COL5A2: variants seen among roughly 807,000 people sequenced by gnomAD.
The protein encoded by COL5A2 is collagen alpha-2(V) chain.
A neutral mutation model predicts 208.2 loss-of-function variants in COL5A2; 23 were observed. The observed-to-expected ratio is 0.11, with a 90% CI of 0.08 to 0.16. The LOEUF (loss-of-function observed/expected upper bound fraction) is 0.16. Ranked by LOEUF, COL5A2 falls within the 10% of genes least tolerant of loss-of-function variation. The probability of loss-of-function intolerance (pLI) is 1.00; values close to 1 mark genes in which losing one functional copy is unlikely to be tolerated. For synonymous variants in COL5A2, 625 were observed against 628.5 expected (o/e 0.99, Z 0.08); for missense variants, 1,590 against 1,956.4 (o/e 0.81, Z 3.53).
In COL5A2 at chr2:189,110,428, G is replaced by T. The variant is rs758092388; in HGVS notation, c.119C>A (p.Ala40Asp). 8 of 1,613,674 alleles carry T rather than the reference G, an allele frequency of 5.0e-6. No individual in the cohort carries two copies. In the South Asian group the frequency reaches 8.8e-5, roughly 18 times the overall value. ...DEDEGYGEEI[A>D]CTQNGQMYLN... ...GTACATCTGGCCATTCTGAGTGCAG[G>T]CTATTTCTTCACCATATCCTTCTAA... Residue 40 changes from alanine to aspartate, a missense_variant, in exon 2 of 54, where the codon GCC becomes GAC. Ala to Asp is a moderately radical substitution (Grantham distance 126). Coordinates refer to ENST00000374866, the MANE Select transcript of COL5A2 (RefSeq NM_000393.5).
chr2:189,099,495 C>T (rs1037717475), intron 4 of COL5A2, among the ~76,000 whole-genome samples: 1 of 152,064 alleles, frequency 6.6e-6, no homozygotes, highest in Admixed American at 6.6e-5. Context: ...CATGGTGGCT[C>T]TTGCCTGTAG....
At chr2:189,084,822 A>C (rs1686614994) in intron 11 of COL5A2, among the ~76,000 whole-genome samples, 1 of 152,222 alleles carries the variant, frequency 6.6e-6, no homozygotes, top group Non-Finnish European at 1.5e-5. Context: ...TATTGCCATC[A>C]GAGCAACATA....
the COL5A2 span, among the ~76,000 whole-genome samples, chr2:189,354,968 T>A: frequency 3.3e-5 from 5 of 152,234 alleles, no homozygotes; most frequent in Non-Finnish European, 5.9e-5. Flanking sequence ...CCAGAGATTC[T>A]GGTACGTTGT....
chr2:189,359,712 G>C, the COL5A2 span, among the ~76,000 whole-genome samples: 2 of 152,052 alleles, frequency 1.3e-5, no homozygotes, highest in Non-Finnish European at 2.9e-5. Flanking sequence ...TTTCTTTGAT[G>C]GGAGACTTTT....
intron 10 of COL5A2, 89 bp from the exon 11 acceptor site, chr2:189,085,302 A>G (rs1246463122): frequency 2.0e-5 from 21 of 1,025,942 alleles, no homozygotes; most frequent in Non-Finnish European, 2.8e-5. Flanking sequence ...GACAAATGAA[A>G]TGTCAAACTA....
chr2:189,120,869 C>T (rs1687486426), intron 1 of COL5A2, among the ~76,000 whole-genome samples: 1 of 152,188 alleles, frequency 6.6e-6, no homozygotes, highest in Non-Finnish European at 1.5e-5. Context: ...AAAATAAATA[C>T]ACTTATTCTT....
chr2:189,110,586 G>A, intron 1 of COL5A2, 137 bp from the exon 2 acceptor site: 1 of 697,898 alleles, frequency 1.4e-6, no homozygotes, highest in Non-Finnish European at 2.5e-6. Flanking sequence ...CAGATGAACT[G>A]ATTTCATTTC....
the COL5A2 span, among the ~76,000 whole-genome samples, chr2:189,327,037 C>T: frequency 8.6e-5 from 13 of 151,342 alleles, no homozygotes; most frequent in African/African-American, 3.1e-4. Flanking sequence ...TGCCACTGCA[C>T]TCCAGCCTGG....
chr2:189,346,153 G>A, the COL5A2 span, among the ~76,000 whole-genome samples: 2 of 152,156 alleles, frequency 1.3e-5, no homozygotes, highest in Admixed American at 1.3e-4. Context: ...AAAATCATGA[G>A]CAACTATAGG....
upstream of COL5A2, among the ~76,000 whole-genome samples, chr2:189,225,966 C>T (rs1020398986): frequency 1.3e-5 from 2 of 152,142 alleles, no homozygotes; most frequent in African/African-American, 4.8e-5. Context: ...TATTAAGCTG[C>T]ATGACTTTGA....
At chr2:189,147,047 C>T (rs767807492) in intron 1 of COL5A2, among the ~76,000 whole-genome samples, 15 of 152,196 alleles carry the variant, frequency 9.9e-5, no homozygotes, top group South Asian at 2.1e-4. Context: ...AAACCAATTC[C>T]GGAATCCAAA....
At chr2:189,366,913 G>C in the COL5A2 span, among the ~76,000 whole-genome samples, 1 of 152,042 alleles carries the variant, frequency 6.6e-6, no homozygotes, top group Non-Finnish European at 1.5e-5. Context: ...TCCACTCTCT[G>C]GTCTTTCTTT....
intron 2 of COL5A2, among the ~76,000 whole-genome samples, chr2:189,108,617 T>C (rs1259587350): frequency 1.3e-5 from 2 of 151,962 alleles, no homozygotes; most frequent in Non-Finnish European, 2.9e-5. Context: ...TTCAGACATG[T>C]GGTTGCCATT....
chr2:189,170,863 A>C (rs1688560366), intron 1 of COL5A2, among the ~76,000 whole-genome samples: 1 of 152,102 alleles, frequency 6.6e-6, no homozygotes, highest in Non-Finnish European at 1.5e-5. Flanking sequence ...TAATTAATAA[A>C]TAATGTTAAT....
the COL5A2 span, among the ~76,000 whole-genome samples, chr2:189,359,228 T>C: frequency 3.3e-5 from 5 of 152,162 alleles, no homozygotes; most frequent in East Asian, 1.9e-4. Context: ...ATGGTCTTTA[T>C]TTTGTTGAGG....
intron 1 of COL5A2, among the ~76,000 whole-genome samples, chr2:189,173,174 A>G (rs1397715480): frequency 6.6e-6 from 1 of 151,874 alleles, no homozygotes; most frequent in East Asian, 1.9e-4. Flanking sequence ...GGGTTTCACC[A>G]TGATGGCCAG....
chr2:189,083,875 G>C, intron 12 of COL5A2, 109 bp downstream of exon 12: 1 of 841,764 alleles, frequency 1.2e-6, no homozygotes, highest in Non-Finnish European at 2.0e-6. Context: ...AAACAATGCT[G>C]TTTGTCTCCA....
chr2:189,092,486 C>T, intron 6 of COL5A2, 66 bp from the exon 7 acceptor site: 2 of 956,556 alleles, frequency 2.1e-6, no homozygotes, highest in Non-Finnish European at 3.3e-6. Flanking sequence ...AAGCTAAAGG[C>T]ACAGACTTCT....
At chr2:189,398,913 A>G in the COL5A2 span, among the ~76,000 whole-genome samples, 1 of 152,180 alleles carries the variant, frequency 6.6e-6, no homozygotes. Context: ...ACAATAAGCA[A>G]TCTTAATTTT....
Sources: allele counts gnomAD v4.1 joint callset (sites outside exome capture counted in the v4.1 genomes callset), GRCh38; gene constraint gnomAD v4.1.1; transcripts MANE v1.5; gene names NCBI Gene and HGNC (gene_info 2026-07-23, HGNC 2026-07-21).